Variants in COG5 observed in about 807,000 individuals in gnomAD.
COG5 encodes the protein component of oligomeric golgi complex 5.
COG5 carries 86 observed loss-of-function variants against 110.4 expected under a neutral mutation model. The ratio of observed to expected loss-of-function variants is 0.78; its 90% confidence interval spans 0.65 to 0.93. COG5 has a LOEUF of 0.93. Ranked by LOEUF, COG5 falls within the 40% of genes least tolerant of loss-of-function variation. COG5 has a pLI of 0.00. For synonymous variants in COG5, 360 were observed against 334.6 expected, an observed-to-expected ratio of 1.08 and a Z score of -0.83; for missense variants, 1,077 against 987.0, an observed-to-expected ratio of 1.09 and a Z score of -1.22.
At chr7:107,362,544 T>C in intron 8 of COG5, 124 bp from the exon 9 acceptor site, 3 of 686,996 alleles carry the variant, frequency 4.4e-6, no homozygotes, top group South Asian at 1.8e-5. Context: ...AGGAAATAAT[T>C]TATTGAGTAA....
intron 14 of COG5, among the ~76,000 whole-genome samples, chr7:107,263,803 A>C (rs1449865942): frequency 6.6e-6 from 1 of 152,214 alleles, no homozygotes; most frequent in Admixed American, 6.5e-5. Flanking sequence ...AGATAATTGA[A>C]ACAATAAACT....
chr7:107,513,386 A>C (rs1799684804), intron 6 of COG5, among the ~76,000 whole-genome samples: 1 of 152,144 alleles, frequency 6.6e-6, no homozygotes, highest in African/African-American at 2.4e-5. Context: ...ATCATTAAAA[A>C]GTCAGGAAAC....
chr7:107,416,973 A>G (rs1249001174), intron 6 of COG5, among the ~76,000 whole-genome samples: 1 of 152,234 alleles, frequency 6.6e-6, no homozygotes. Context: ...ACCACTGGCC[A>G]GTGGAGCATT....
Position 107,279,744 on chromosome 7 carries a change from A to G in COG5, c.1575+1556T>C, listed in dbSNP as rs148771625. ...AAAATGAAAGTTGAAAAATAAAACTATTTTTAATAAAAAAAGATATAATCC... is the reference window on the plus strand; with the variant it reads ...AAAATGAAAGTTGAAAAATAAAACTGTTTTTAATAAAAAAAGATATAATCC... On this transcript the variant is annotated intron_variant, in intron 14 of 21. Transcript: ENST00000297135. Among the ~76,000 whole-genome samples the G allele has an allele frequency of 8.9e-3, 1,348 of 152,040 alleles. 22 individuals carry two copies. The highest frequency in any genetic ancestry group is 0.03 in the African/African-American group (1,236 of 41,554).
In COG5 at chr7:107,210,516, C is replaced by G; in HGVS notation, c.2375+10G>C. On this transcript the variant is annotated intron_variant, in intron 21 of 21. Transcript: ENST00000297135. ...GACCAGATGGGTGCCCCCAGAGCAC[C>G]TGGCTTTACCTGATGAGGAGGAGCC... 6.3e-7 allele frequency: 1 copy of G among 1,589,998 alleles called. No individual in the cohort carries two copies. Among genetic ancestry groups the G allele is most frequent in the African/African-American group, 1.3e-5 (1 of 74,870 alleles).
At chr7:107,407,132 A>T (rs1056760733) in intron 7 of COG5, among the ~76,000 whole-genome samples, 1 of 152,252 alleles carries the variant, frequency 6.6e-6, no homozygotes, top group African/African-American at 2.4e-5. Flanking sequence ...CTGTAATCCC[A>T]GCACTTTGGG....
intron 8 of COG5, among the ~76,000 whole-genome samples, chr7:107,363,997 A>T (rs1813370031): frequency 6.6e-6 from 1 of 152,120 alleles, no homozygotes; most frequent in Non-Finnish European, 1.5e-5. Flanking sequence ...TATTCATCAC[A>T]TAGTCTCAAA....
intron 19 of COG5, among the ~76,000 whole-genome samples, chr7:107,215,133 A>G (rs527580870): frequency 8.5e-5 from 13 of 152,276 alleles, no homozygotes; most frequent in African/African-American, 3.1e-4. Flanking sequence ...GGTAAGTACA[A>G]AACAACAATC....
intron 6 of COG5, among the ~76,000 whole-genome samples, chr7:107,513,521 C>G (rs1297380899): frequency 6.6e-6 from 1 of 152,112 alleles, no homozygotes; most frequent in Non-Finnish European, 1.5e-5. Context: ...CTAGAAATAC[C>G]ATTTGACCCA....
At chr7:107,345,502 G>T (rs757521913) in intron 10 of COG5, among the ~76,000 whole-genome samples, 5 of 150,984 alleles carry the variant, frequency 3.3e-5, no homozygotes, top group Admixed American at 6.6e-5. Context: ...TTTATATAAG[G>T]TATCTAAAGT....
intron 6 of COG5, among the ~76,000 whole-genome samples, chr7:107,427,344 A>G (rs746043896): frequency 6.6e-6 from 1 of 152,176 alleles, no homozygotes; most frequent in Non-Finnish European, 1.5e-5. Flanking sequence ...TTCTTCTCTT[A>G]TTCACTTTTC....
chr7:107,291,720 T>C (rs184104971), intron 12 of COG5, among the ~76,000 whole-genome samples: 2 of 152,348 alleles, frequency 1.3e-5, no homozygotes, highest in East Asian at 3.9e-4. Context: ...AAGGAGCTAA[T>C]TGTAGCTCCT....
intron 7 of COG5, 149 bp downstream of exon 7, chr7:107,412,353 G>T: frequency 7.3e-6 from 3 of 412,434 alleles, no homozygotes. Context: ...TTCCCTTAAC[G>T]ATGACCCATT....
intron 10 of COG5, among the ~76,000 whole-genome samples, chr7:107,348,253 T>C (rs1811814048): frequency 6.6e-6 from 1 of 152,114 alleles, no homozygotes; most frequent in Admixed American, 6.5e-5. Flanking sequence ...TATATATTCC[T>C]GAGCATAACT....
Position 107,474,656 on chromosome 7 carries a change from G to A in COG5, c.538+52581C>T, listed in dbSNP as rs1216163544. 1 of 1,609,486 alleles carries A rather than the reference G, an allele frequency of 6.2e-7. No homozygotes were observed. The highest frequency in any genetic ancestry group is 2.2e-5 in the East Asian group (1 of 44,786). ...GAAAACAAGACACTTTTATGTGTCA[G>A]TACAAATGAATACTACACTGAACTG... On this transcript the variant is annotated intron_variant, in intron 6 of 21. Transcript: ENST00000297135. The surrounding 1 kb of genome is among the most constrained non-coding windows in gnomAD (Gnocchi z 5.7).
chr7:107,489,228 A>G (rs553136983), intron 6 of COG5, among the ~76,000 whole-genome samples: 2 of 152,334 alleles, frequency 1.3e-5, no homozygotes, highest in Non-Finnish European at 2.9e-5. Context: ...AGTAAACAGA[A>G]GCAAAATATA....
chr7:107,433,479 G>A (rs1386317644), intron 6 of COG5, among the ~76,000 whole-genome samples: 2 of 152,188 alleles, frequency 1.3e-5, no homozygotes, highest in East Asian at 3.8e-4. Context: ...CATAAAGACA[G>A]ACATACAGAT....
chr7:107,517,279 C>G (rs1027364152), intron 6 of COG5, among the ~76,000 whole-genome samples: 10 of 150,874 alleles, frequency 6.6e-5, no homozygotes, highest in Non-Finnish European at 1.2e-4. Flanking sequence ...ATAAGGCATA[C>G]AGACAAGATT....
At chr7:107,537,501 A>G (rs1801672325) in intron 5 of COG5, among the ~76,000 whole-genome samples, 1 of 151,966 alleles carries the variant, frequency 6.6e-6, no homozygotes, top group African/African-American at 2.4e-5. Flanking sequence ...AGAAAACCAA[A>G]CGCTGCATAT....
Sources: gnomAD v4.1 joint callset for allele counts (sites outside exome capture counted in the v4.1 genomes callset) on GRCh38, gnomAD v4.1.1 for gene constraint, Gnocchi (gnomAD v3.1) non-coding constraint, MANE v1.5 for transcripts, NCBI Gene and HGNC (gene_info 2026-07-23, HGNC 2026-07-21) for gene names.